Variants in AIG1 observed in about 807,000 individuals in gnomAD.
AIG1 encodes the protein androgen-induced gene 1 protein.
AIG1 carries 23 observed loss-of-function variants against 31.4 expected under a neutral mutation model. The observed-to-expected ratio is 0.73, with a 90% CI of 0.53 to 1.04. The LOEUF (loss-of-function observed/expected upper bound fraction) is 1.04, where lower values mean the gene tolerates loss of function less well. AIG1 is among the 50% of genes least tolerant of loss of function. AIG1 has a pLI of 0.00. For synonymous variants in AIG1, 100 were observed against 110.5 expected, an observed-to-expected ratio of 0.90 and a Z score of 0.60; for missense variants, 274 against 295.0, an observed-to-expected ratio of 0.93 and a Z score of 0.52.
intron 1 of AIG1, among the ~76,000 whole-genome samples, chr6:143,104,049 A>C (rs1780582318): frequency 6.6e-6 from 1 of 152,084 alleles, no homozygotes; most frequent in Non-Finnish European, 1.5e-5. Flanking sequence ...TTCTGTTTTT[A>C]TTTTAATCAA....
intron 1 of AIG1, among the ~76,000 whole-genome samples, chr6:143,093,369 C>T (rs968971374): frequency 6.6e-6 from 1 of 152,224 alleles, no homozygotes. Context: ...TCAGCTTCCT[C>T]ATCCCTCTCA....
chr6:143,101,302 G>C (rs1354838177), intron 1 of AIG1, among the ~76,000 whole-genome samples: 1 of 151,958 alleles, frequency 6.6e-6, no homozygotes, highest in Admixed American at 6.6e-5. Context: ...TCCAGTATGA[G>C]TAGCCTGCAA....
At chr6:143,092,045 T>C (rs919372713) in intron 1 of AIG1, among the ~76,000 whole-genome samples, 3 of 152,154 alleles carry the variant, frequency 2.0e-5, no homozygotes, top group African/African-American at 7.2e-5. Flanking sequence ...TTTCCATTTA[T>C]TTTGCCCAGA....
At position 143,327,804 on chromosome 6, in the gene AIG1, T is replaced by A. The variant is rs1427007807; in HGVS notation, c.516-5478T>A. The stretch of plus-strand genomic sequence containing the variant: ...CAAAACTGAATGAATGATAGTACTA[T>A]TTGCAGAAATAAGAAATACTGGAGG... On this transcript the variant is annotated intron_variant, in intron 4 of 5. Coordinates refer to ENST00000357847, the MANE Select transcript of AIG1 (RefSeq NM_016108.4). The surrounding 1 kb of genome is among the most constrained non-coding windows in gnomAD (Gnocchi z 5.3). 1.2e-5 allele frequency: 2 copies of A among 170,590 alleles called. No individual in the cohort carries two copies. Among genetic ancestry groups the A allele is most frequent in the Non-Finnish European group, 2.5e-5 (2 of 81,070 alleles). The allele number at this position is 170,590 out of a possible 1,614,324, so 10.6% of individuals were successfully genotyped here. A position where few individuals can be genotyped will look rare whatever the true frequency, so the allele number is the denominator to read the frequency against.
intron 4 of AIG1, among the ~76,000 whole-genome samples, chr6:143,307,665 G>A (rs1323783963): frequency 1.3e-5 from 2 of 152,202 alleles, no homozygotes; most frequent in African/African-American, 4.8e-5. Flanking sequence ...GGACCCACTT[G>A]AGGAGGCAGT....
chr6:143,297,460 G>T lies in AIG1; in HGVS notation c.515+13235G>T, dbSNP rs918496345. ...TGGGTGGGTGGTTATTTAGATGATTGGTTGGTTGGTTGGTTGGTTGGATGG... is the reference window on the plus strand; with the variant it reads ...TGGGTGGGTGGTTATTTAGATGATTTGTTGGTTGGTTGGTTGGTTGGATGG... On this transcript the variant is annotated intron_variant, in intron 4 of 5. Transcript: ENST00000357847. This position sits in a 1 kb window ranked among gnomAD's most constrained non-coding sequence, Gnocchi z 5.1. 2.0e-5 allele frequency among the ~76,000 whole-genome samples: 3 copies of T among 152,190 alleles called. No homozygotes were observed. The highest frequency in any genetic ancestry group is 3.4e-3 in the Middle Eastern group (1 of 294).
intron 3 of AIG1, among the ~76,000 whole-genome samples, chr6:143,225,145 T>G (rs991856176): frequency 6.6e-6 from 1 of 152,216 alleles, no homozygotes; most frequent in Non-Finnish European, 1.5e-5. Context: ...CCCTCCTGTC[T>G]CTGCCTGTTC....
At chr6:143,200,024 A>G (rs1049920552) in intron 3 of AIG1, among the ~76,000 whole-genome samples, 3 of 152,194 alleles carry the variant, frequency 2.0e-5, no homozygotes, top group Admixed American at 6.5e-5. Flanking sequence ...AAAGAATGAT[A>G]TGGTTTTGAG....
chr6:143,343,359 C>A (rs980941697), downstream of AIG1: 1 of 581,450 alleles, frequency 1.7e-6, no homozygotes, highest in African/African-American at 1.9e-5. Context: ...TAATGCCCCC[C>A]CAAACAAGAG....
At chr6:143,305,852 G>A (rs1799257657) in intron 4 of AIG1, among the ~76,000 whole-genome samples, 1 of 151,886 alleles carries the variant, frequency 6.6e-6, no homozygotes, top group Admixed American at 6.6e-5. Flanking sequence ...ATTATTGTGT[G>A]GGAGTCTAAG....
chr6:143,061,744 A>G (rs1184755254), intron 1 of AIG1: 1 of 168,724 alleles, frequency 5.9e-6, no homozygotes, highest in Non-Finnish European at 1.3e-5. Context: ...TTGCATAAGC[A>G]GCTCCTCTGT....
intron 4 of AIG1, among the ~76,000 whole-genome samples, chr6:143,287,476 G>A (rs1016151525): frequency 3.9e-5 from 6 of 152,158 alleles, no homozygotes; most frequent in Non-Finnish European, 8.8e-5. Context: ...GCTGCAGATT[G>A]TAGTCTGTTA....
Position 143,327,562 on chromosome 6 carries a change from T to A in AIG1, c.516-5720T>A. 2.7e-6 allele frequency: 1 copy of A among 375,874 alleles called. No homozygotes were observed. The highest frequency in any genetic ancestry group is 3.3e-5 in the Admixed American group (1 of 30,334). The allele number at this position is 375,874 out of a possible 1,614,324, so 23.3% of individuals were successfully genotyped here. A position where few individuals can be genotyped will look rare whatever the true frequency, so the allele number is the denominator to read the frequency against. Reference sequence around the variant, plus strand: ...GGTTGTCCAGAAAATATTCTGAGGATGAAGATTCACCAAATAAGCTCTATA... The same window carrying A: ...GGTTGTCCAGAAAATATTCTGAGGAAGAAGATTCACCAAATAAGCTCTATA... On this transcript the variant is annotated intron_variant, in intron 4 of 5. Coordinates refer to ENST00000357847, the MANE Select transcript of AIG1 (RefSeq NM_016108.4). This position sits in a 1 kb window ranked among gnomAD's most constrained non-coding sequence, Gnocchi z 5.3.
At chr6:143,271,628 A>C (rs1384201206) in intron 3 of AIG1, among the ~76,000 whole-genome samples, 1 of 152,172 alleles carries the variant, frequency 6.6e-6, no homozygotes, top group Non-Finnish European at 1.5e-5. Context: ...TTGCTTCCTC[A>C]CTGTGATACA....
At chr6:143,282,095 TA>T (rs1345220309) in intron 3 of AIG1, among the ~76,000 whole-genome samples, 4 of 152,192 alleles carry the variant, frequency 2.6e-5, no homozygotes, top group African/African-American at 9.6e-5. Context: ...CTTGATAAAA[TA>T]ATGACAACTG....
chr6:143,089,245 T>A (rs1180552962), intron 1 of AIG1, among the ~76,000 whole-genome samples: 1 of 151,930 alleles, frequency 6.6e-6, no homozygotes, highest in Non-Finnish European at 1.5e-5. Context: ...TAGCAAAATA[T>A]ACTACCAATT....
At chr6:143,085,227 G>A (rs1778654149) in intron 1 of AIG1, among the ~76,000 whole-genome samples, 1 of 152,144 alleles carries the variant, frequency 6.6e-6, no homozygotes, top group African/African-American at 2.4e-5. Flanking sequence ...TTTTTGCCTT[G>A]TGGAGAACGT....
intron 3 of AIG1, among the ~76,000 whole-genome samples, chr6:143,266,490 T>C (rs1217280937): frequency 6.6e-6 from 1 of 152,160 alleles, no homozygotes; most frequent in African/African-American, 2.4e-5. Context: ...ACCCTAAGTG[T>C]TAACACACAC....
chr6:143,269,919 C>A (rs1043376806), intron 3 of AIG1, among the ~76,000 whole-genome samples: 4 of 152,130 alleles, frequency 2.6e-5, no homozygotes. Context: ...ACTTTAGGAA[C>A]ATTTGTTGAT....
Sources: gnomAD v4.1 joint callset for allele counts (sites outside exome capture counted in the v4.1 genomes callset) on GRCh38, gnomAD v4.1.1 for gene constraint, Gnocchi (gnomAD v3.1) non-coding constraint, MANE v1.5 for transcripts, NCBI Gene and HGNC (gene_info 2026-07-23, HGNC 2026-07-21) for gene names.